ZMIZ1: variants seen among roughly 807,000 people sequenced by gnomAD.
ZMIZ1 encodes the protein zinc finger MIZ domain-containing protein 1.
Under a neutral mutation model 113.9 loss-of-function variants are expected in ZMIZ1, and 17 were observed. That is an observed-to-expected ratio of 0.15 (90% CI 0.10 to 0.22). The LOEUF is 0.22. ZMIZ1 is among the 10% of genes least tolerant of loss of function. The probability of loss-of-function intolerance (pLI) is 1.00; values close to 1 mark genes in which losing one functional copy is unlikely to be tolerated. For synonymous variants in ZMIZ1, 607 were observed against 603.1 expected (o/e 1.01, Z -0.09); for missense variants, 1,059 against 1,477.8 (o/e 0.72, Z 4.65).
chr10:79,230,613 G>A (rs963244257), intron 7 of ZMIZ1, among the ~76,000 whole-genome samples: 3 of 152,226 alleles, frequency 2.0e-5, no homozygotes, highest in Non-Finnish European at 4.4e-5. Context: ...GGTCTCAGAA[G>A]AGAGAAAATG....
chr10:79,174,435 C>T (rs1227540218), intron 4 of ZMIZ1, among the ~76,000 whole-genome samples: 2 of 152,206 alleles, frequency 1.3e-5, no homozygotes, highest in Non-Finnish European at 2.9e-5. Flanking sequence ...GTAGATTGCA[C>T]CTCCATTTGA....
In ZMIZ1 at chr10:79,162,873, C is replaced by T. The variant is rs568392942; in HGVS notation, c.-50+740C>T. ...TGGACCCCCCGCCTGATAAGGGGGG[C>T]AGGGCACCTTGAGGAGCAACTGAGA... On this transcript the variant is annotated intron_variant, in intron 4 of 24. Transcript: ENST00000334512. 2.5e-3 allele frequency among the ~76,000 whole-genome samples: 383 copies of T among 152,312 alleles called. 1 individual carries two copies. The highest frequency in any genetic ancestry group is 8.5e-3 in the African/African-American group (353 of 41,566).
At chr10:79,097,394 G>A (rs1359576335) in intron 1 of ZMIZ1, among the ~76,000 whole-genome samples, 1 of 152,224 alleles carries the variant, frequency 6.6e-6, no homozygotes, top group Non-Finnish European at 1.5e-5. Context: ...AGGAGGCTGA[G>A]GGGTGCAAGG....
At chr10:79,253,048 G>T (rs1850649288) in intron 7 of ZMIZ1, among the ~76,000 whole-genome samples, 1 of 152,162 alleles carries the variant, frequency 6.6e-6, no homozygotes, top group African/African-American at 2.4e-5. Flanking sequence ...TCCCCTCTGG[G>T]AGCTTAAAAG....
intron 17 of ZMIZ1, among the ~76,000 whole-genome samples, 192 bp from the exon 18 acceptor site, chr10:79,301,915 C>T (rs1854326344): frequency 6.6e-6 from 1 of 152,136 alleles, no homozygotes. Flanking sequence ...TGTCAAAGTC[C>T]ACCTTGTCGA....
In ZMIZ1 at chr10:79,305,588, A is replaced by T; in HGVS notation, c.2410A>T (p.Asn804Tyr). Residue 804 changes from asparagine to tyrosine, a missense_variant, in exon 21 of 25, where the codon AAT becomes TAT. Coordinates refer to ENST00000334512, the MANE Select transcript of ZMIZ1 (RefSeq NM_020338.4). The stretch of plus-strand genomic sequence containing the variant: ...GGATCAGTACATGTGGGGAATCCTG[A>T]ATGCCATCCAACAGTAAGTGGGGCC... The part of the protein sequence containing the change: ...EVDQYMWGIL[N>Y]AIQHSEFEEV... 2 of 1,614,014 alleles carry T rather than the reference A, an allele frequency of 1.2e-6. No individual in the cohort carries two copies. The highest frequency in any genetic ancestry group is 1.1e-5 in the South Asian group (1 of 91,080).
At chr10:79,087,042 T>A (rs1842837504) in intron 1 of ZMIZ1, among the ~76,000 whole-genome samples, 1 of 152,236 alleles carries the variant, frequency 6.6e-6, no homozygotes, top group Non-Finnish European at 1.5e-5. Flanking sequence ...GTTTTTAACT[T>A]CTTAGTGTGT....
intron 1 of ZMIZ1, among the ~76,000 whole-genome samples, chr10:79,114,498 T>C (rs901784092): frequency 0.031 from 2,506 of 79,872 alleles, 74 homozygotes; most frequent in African/African-American, 0.092. Flanking sequence ...TGTGTGCGTG[T>C]GTGTGTGCGT....
chr10:79,145,502 G>A (rs1381819377), intron 3 of ZMIZ1, among the ~76,000 whole-genome samples: 2 of 152,124 alleles, frequency 1.3e-5, no homozygotes, highest in Admixed American at 6.5e-5. Flanking sequence ...GTGACCTTCC[G>A]GTTAGTTCAC....
At chr10:79,237,010 G>A (rs1437858427) in intron 7 of ZMIZ1, among the ~76,000 whole-genome samples, 1 of 152,242 alleles carries the variant, frequency 6.6e-6, no homozygotes, top group Non-Finnish European at 1.5e-5. Flanking sequence ...CATGTCAGAG[G>A]GGGCTGAGTT....
rs371243414 is a variant in ZMIZ1, at chr10:79,166,528, C to T, written c.-50+4395C>T. 1.2e-4 allele frequency among the ~76,000 whole-genome samples: 18 copies of T among 152,382 alleles called. No individual in the cohort carries two copies. The East Asian group carries it at 3.5e-3, about 29-fold the overall frequency. Reference sequence around the variant, plus strand: ...GAGTGCAGGCTGCTAGCCCACCCTGCAGCTGCCCTGTACCGTCCTGGGCAT... The same window carrying T: ...GAGTGCAGGCTGCTAGCCCACCCTGTAGCTGCCCTGTACCGTCCTGGGCAT... On this transcript the variant is annotated intron_variant, in intron 4 of 24. Coordinates refer to ENST00000334512, the MANE Select transcript of ZMIZ1 (RefSeq NM_020338.4).
At chr10:79,071,513 CT>C (rs1842286759) in intron 1 of ZMIZ1, among the ~76,000 whole-genome samples, 1 of 152,212 alleles carries the variant, frequency 6.6e-6, no homozygotes, top group Non-Finnish European at 1.5e-5. Context: ...TGTGAAGCTG[CT>C]GTTGAGCTAT....
At chr10:79,219,856 C>T (rs1353670514) in intron 7 of ZMIZ1, among the ~76,000 whole-genome samples, 1 of 152,126 alleles carries the variant, frequency 6.6e-6, no homozygotes, top group African/African-American at 2.4e-5. Context: ...CTTGTCAGTG[C>T]CCACAGCCAT....
intron 4 of ZMIZ1, among the ~76,000 whole-genome samples, chr10:79,165,820 G>C (rs7916441): frequency 0.39 from 59,268 of 151,794 alleles, 11,862 homozygotes; most frequent in Non-Finnish European, 0.43. Context: ...AAGTCTCTGG[G>C]TGGGCCCAAC....
intron 7 of ZMIZ1, among the ~76,000 whole-genome samples, chr10:79,258,397 AAG>A (rs898026537): frequency 1.3e-5 from 2 of 150,592 alleles, no homozygotes; most frequent in African/African-American, 5.0e-5. Flanking sequence ...AAGAAAAAAA[AAG>A]AAGAAGAAGA....
At chr10:79,082,882 T>C (rs888136941) in intron 1 of ZMIZ1, among the ~76,000 whole-genome samples, 4 of 152,186 alleles carry the variant, frequency 2.6e-5, no homozygotes, top group Non-Finnish European at 5.9e-5. Context: ...CAAGGCTTCC[T>C]GGCTGGGCTT....
At chr10:79,193,347 T>C (rs1847687834) in intron 4 of ZMIZ1, among the ~76,000 whole-genome samples, 1 of 152,252 alleles carries the variant, frequency 6.6e-6, no homozygotes, top group South Asian at 2.1e-4. Flanking sequence ...GGTTTGTCCA[T>C]GGACCTTCTA....
chr10:79,302,235 G>T (rs372946028), intron 18 of ZMIZ1, 23 bp downstream of exon 18: 27 of 1,605,554 alleles, frequency 1.7e-5, no homozygotes, highest in Non-Finnish European at 2.2e-5. Flanking sequence ...GGGGACGGGG[G>T]TGAGGGCCAG....
In ZMIZ1 at chr10:79,182,146, A is replaced by G. The variant is rs148742267; in HGVS notation, c.-49-19438A>G. Among the ~76,000 whole-genome samples, 22 of 152,330 alleles carry G rather than the reference A, an allele frequency of 1.4e-4. No homozygotes were observed. In the East Asian group the frequency reaches 2.1e-3, roughly 15 times the overall value. On this transcript the variant is annotated intron_variant, in intron 4 of 24. Transcript: ENST00000334512. ...TATGTGCACATGCGTGTGTGCATGCATGGACGCACCTCTCCCGAGGGGCAA... is the reference window on the plus strand; with the variant it reads ...TATGTGCACATGCGTGTGTGCATGCGTGGACGCACCTCTCCCGAGGGGCAA...
Sources: gnomAD v4.1 joint callset for allele counts (sites outside exome capture counted in the v4.1 genomes callset) on GRCh38, gnomAD v4.1.1 for gene constraint, MANE v1.5 for transcripts, NCBI Gene and HGNC (gene_info 2026-07-23, HGNC 2026-07-21) for gene names.